TUSC3: variants seen among roughly 807,000 people sequenced by gnomAD.
The protein encoded by TUSC3 is tumor suppressor candidate 3.
In TUSC3, 45 loss-of-function variants were observed where a neutral mutation model predicts 44.8. The ratio of observed to expected loss-of-function variants is 1.00; its 90% confidence interval spans 0.79 to 1.29. TUSC3 has a LOEUF of 1.29. TUSC3 is among the 50% of genes most tolerant of loss of function. The pLI is 0.00. For synonymous variants in TUSC3, 212 were observed against 152.9 expected, an observed-to-expected ratio of 1.39 and a Z score of -2.85; for missense variants, 519 against 437.9, an observed-to-expected ratio of 1.19 and a Z score of -1.65.
the TUSC3 span, among the ~76,000 whole-genome samples, chr8:15,839,091 T>C: frequency 6.6e-6 from 1 of 152,148 alleles, no homozygotes; most frequent in Non-Finnish European, 1.5e-5. Context: ...GTAAGTTGGA[T>C]TCCTAGGTAT....
intron 1 of TUSC3, among the ~76,000 whole-genome samples, chr8:15,618,448 C>G (rs1805093381): frequency 6.6e-6 from 1 of 152,084 alleles, no homozygotes; most frequent in South Asian, 2.1e-4. Flanking sequence ...TTGTTGAAAA[C>G]TAAGACACAC....
intron 1 of TUSC3, among the ~76,000 whole-genome samples, chr8:15,608,657 G>C (rs780509384): frequency 6.6e-6 from 1 of 152,058 alleles, no homozygotes; most frequent in Non-Finnish European, 1.5e-5. Context: ...CGTGAGTCTC[G>C]TGAGATCCGA....
the TUSC3 span, among the ~76,000 whole-genome samples, chr8:15,842,049 C>T: frequency 2.6e-5 from 4 of 152,014 alleles, no homozygotes; most frequent in Non-Finnish European, 5.9e-5. Flanking sequence ...GAATTTAGTT[C>T]CCAAGAATGT....
chr8:15,710,379 A>G lies in TUSC3; in HGVS notation c.799-20287A>G, dbSNP rs560302990. 5.9e-5 allele frequency among the ~76,000 whole-genome samples: 9 copies of G among 151,934 alleles called. No individual in the cohort carries two copies. The East Asian group carries it at 1.4e-3, about 23-fold the overall frequency. On this transcript the variant is annotated intron_variant, in intron 6 of 10. Transcript: ENST00000503731. Reference sequence around the variant, plus strand: ...TTTCCTCATTTTTGTGTCTTCTAGTATAGGGCCTCGTGCTATTTAAGCCTA... The same window carrying G: ...TTTCCTCATTTTTGTGTCTTCTAGTGTAGGGCCTCGTGCTATTTAAGCCTA...
At chr8:15,594,386 A>AT (rs962642127) in intron 1 of TUSC3, among the ~76,000 whole-genome samples, 4 of 151,780 alleles carry the variant, frequency 2.6e-5, no homozygotes, top group South Asian at 2.1e-4. Flanking sequence ...TGATCGATTG[A>AT]TTTTTTTTCC....
intron 6 of TUSC3, among the ~76,000 whole-genome samples, chr8:15,694,910 C>T (rs910819026): frequency 3.9e-5 from 6 of 152,198 alleles, no homozygotes; most frequent in African/African-American, 1.4e-4. Context: ...ACGCCAGCAG[C>T]AGCAGCAGTC....
intron 1 of TUSC3, among the ~76,000 whole-genome samples, chr8:15,596,237 T>C (rs534945619): frequency 6.6e-6 from 1 of 152,328 alleles, no homozygotes; most frequent in African/African-American, 2.4e-5. Context: ...AAGTTTACTT[T>C]ATTTGAATAA....
intron 1 of TUSC3, among the ~76,000 whole-genome samples, chr8:15,464,888 C>G (rs963244092): frequency 2.0e-5 from 3 of 152,100 alleles, no homozygotes; most frequent in Non-Finnish European, 4.4e-5. Context: ...CTTGCTCTGT[C>G]TCCCAGGCTG....
At chr8:15,543,739 G>GTT (rs1491283459) in intron 1 of TUSC3, among the ~76,000 whole-genome samples, 1 of 146,666 alleles carries the variant, frequency 6.8e-6, no homozygotes, top group Non-Finnish European at 1.5e-5. Flanking sequence ...TTTTTGAATT[G>GTT]GTTTTTTTTT....
At chr8:15,652,127 C>T (rs1036038857) in intron 3 of TUSC3, among the ~76,000 whole-genome samples, 1 of 152,120 alleles carries the variant, frequency 6.6e-6, no homozygotes, top group Admixed American at 6.6e-5. Flanking sequence ...AATGTTTTTA[C>T]TATGTGATCA....
chr8:15,526,578 G>T (rs1041846937), intron 2 of TUSC3, among the ~76,000 whole-genome samples: 1 of 151,490 alleles, frequency 6.6e-6, no homozygotes, highest in South Asian at 2.1e-4. Context: ...TTTATAATGG[G>T]TTTCCCCTTT....
chr8:15,452,338 A>G (rs1800205161), intron 1 of TUSC3, among the ~76,000 whole-genome samples: 1 of 152,202 alleles, frequency 6.6e-6, no homozygotes, highest in Non-Finnish European at 1.5e-5. Flanking sequence ...CAAACACAAA[A>G]TTTGGATGAA....
intron 2 of TUSC3, among the ~76,000 whole-genome samples, chr8:15,511,868 C>CA (rs34625930): frequency 0.47 from 68,676 of 147,684 alleles, 18,502 homozygotes; most frequent in Non-Finnish European, 0.62. Context: ...AAGACAGTCT[C>CA]AAAAAAAAAA....
rs17658077 is a variant in TUSC3 at position 15,623,502 on chromosome 8, C to T, written c.308+253C>T. 9.6e-3 allele frequency among the ~76,000 whole-genome samples: 1,459 copies of T among 152,032 alleles called. 64 individuals are homozygous for T. In the East Asian group the frequency reaches 0.1, roughly 11 times the overall value. On this transcript the variant is annotated intron_variant, in intron 2 of 10. Coordinates refer to ENST00000503731, the MANE Select transcript of TUSC3 (RefSeq NM_006765.4). ...TAAAACCGTTTTATCATCTTGATAT[C>T]CTGCAGATTGCCTTGTAGGTCACTC...
At chr8:15,575,376 A>G (rs1803057307) in intron 1 of TUSC3, among the ~76,000 whole-genome samples, 1 of 152,196 alleles carries the variant, frequency 6.6e-6, no homozygotes, top group Non-Finnish European at 1.5e-5. Context: ...TGGAATTTTT[A>G]TGTGGCAACT....
the TUSC3 span, among the ~76,000 whole-genome samples, chr8:15,785,075 G>A: frequency 6.6e-6 from 1 of 151,690 alleles, no homozygotes; most frequent in African/African-American, 2.4e-5. Flanking sequence ...AAGAAAAAAG[G>A]ATAATGTGTT....
At chr8:15,654,146 G>A (rs1319659379) in intron 3 of TUSC3, among the ~76,000 whole-genome samples, 1 of 152,180 alleles carries the variant, frequency 6.6e-6, no homozygotes, top group Non-Finnish European at 1.5e-5. Context: ...TAAAGTTTTA[G>A]AACATTAGGT....
chr8:15,785,196 C>T, the TUSC3 span, among the ~76,000 whole-genome samples: 2 of 151,954 alleles, frequency 1.3e-5, no homozygotes, highest in South Asian at 2.1e-4. Flanking sequence ...GTAACCAGTA[C>T]GACCCGTACC....
chr8:15,724,042 G>A (rs1810406297), intron 6 of TUSC3, among the ~76,000 whole-genome samples: 2 of 152,070 alleles, frequency 1.3e-5, no homozygotes, highest in South Asian at 4.1e-4. Context: ...CTGTAAATAA[G>A]CTCATGAGAG....
Sources: allele counts gnomAD v4.1 joint callset (sites outside exome capture counted in the v4.1 genomes callset), GRCh38; gene constraint gnomAD v4.1.1; transcripts MANE v1.5; gene names NCBI Gene and HGNC (gene_info 2026-07-23, HGNC 2026-07-21).